Variants in PPP1R16A observed in about 807,000 individuals in gnomAD.
The protein encoded by PPP1R16A is protein phosphatase 1 regulatory subunit 16A.
A neutral mutation model predicts 46.6 loss-of-function variants in PPP1R16A; 39 were observed. That is an observed-to-expected ratio of 0.84 (90% confidence interval 0.65 to 1.09). The LOEUF (loss-of-function observed/expected upper bound fraction) is 1.09. PPP1R16A is among the 50% of genes least tolerant of loss of function. The probability of loss-of-function intolerance (pLI) is 0.00; values close to 1 mark genes in which losing one functional copy is unlikely to be tolerated. For missense variants in PPP1R16A, 798 were observed against 735.6 expected (o/e 1.08, Z -0.98); for synonymous variants, 413 against 321.5 (o/e 1.28, Z -3.04).
rs544972031 is a variant in PPP1R16A at position 144,493,158 on chromosome 8, G to A, written c.-735+2946G>A. Among the ~76,000 whole-genome samples the A allele has an allele frequency of 6.6e-6, 1 of 152,276 alleles. No individual in the cohort carries two copies. The highest frequency in any genetic ancestry group is 2.1e-4 in the South Asian group (1 of 4,824). ...CCCAGCGGTATGTAGGCAGTGAGGG[G>A]ACGGTGGGTGGGGGTCGGGGACAGT... On this transcript the variant is annotated intron_variant, in intron 2 of 11. Coordinates refer to ENST00000435887, the MANE Select transcript of PPP1R16A (RefSeq NM_001329443.2). The surrounding 1 kb of genome is among the most constrained non-coding windows in gnomAD (Gnocchi z 4.3).
intron 5 of PPP1R16A, 172 bp downstream of exon 5, chr8:144,499,233 T>C (rs1291440144): frequency 1.1e-6 from 1 of 892,192 alleles, no homozygotes; most frequent in East Asian, 2.7e-5. Flanking sequence ...TCCAGGGGAA[T>C]GGGCATGTGC....
At chr8:144,481,605 T>C (rs1350350577) in intron 1 of PPP1R16A, among the ~76,000 whole-genome samples, 1 of 151,616 alleles carries the variant, frequency 6.6e-6, no homozygotes, top group Non-Finnish European at 1.5e-5. Context: ...GATCGCACCA[T>C]TGCACTCTAG....
intron 1 of PPP1R16A, among the ~76,000 whole-genome samples, chr8:144,481,780 TC>T (rs1294121167): frequency 6.6e-6 from 1 of 152,218 alleles, no homozygotes; most frequent in African/African-American, 2.4e-5. Context: ...TTTTCTTTTT[TC>T]TTTTTTGTTT....
chr8:144,502,021 CA>C lies in PPP1R16A; in HGVS notation c.*119del. ...AAACCCCGGCTTCTACTGTACAGGA[CA>C]CTGGCCCCTCTCAGGTCAGAAGACA... On this transcript the variant is annotated 3_prime_UTR_variant, in exon 12 of 12. Coordinates refer to ENST00000435887, the MANE Select transcript of PPP1R16A (RefSeq NM_001329443.2). 1 of 1,027,574 alleles carries C rather than the reference CA, an allele frequency of 9.7e-7. No homozygotes were observed. The highest frequency in any genetic ancestry group is 1.7e-5 in the South Asian group (1 of 57,396). The allele number at this position is 1,027,574 out of a possible 1,614,324, so 63.7% of individuals were successfully genotyped here.
chr8:144,481,159 G>A (rs572864001), intron 1 of PPP1R16A, among the ~76,000 whole-genome samples: 94 of 151,722 alleles, frequency 6.2e-4, no homozygotes, highest in African/African-American at 2.3e-3. Context: ...CAAAGTGCTG[G>A]GATTACAGGC....
At chr8:144,497,999 C>T (rs1324563471) in intron 3 of PPP1R16A, 2 of 455,404 alleles carry the variant, frequency 4.4e-6, no homozygotes, top group African/African-American at 2.0e-5. Flanking sequence ...CTTGCAGCCC[C>T]AGCTGTGTGG....
intron 3 of PPP1R16A, chr8:144,497,754 G>A: frequency 1.9e-6 from 1 of 527,938 alleles, no homozygotes. Flanking sequence ...GGAGCCTGCA[G>A]AAAAACCTAG....
rs913446298 is a variant in PPP1R16A at position 144,501,920 on chromosome 8, G to A, written c.*17G>A. The A allele has an allele frequency of 1.4e-5, 21 of 1,502,038 alleles. No individual in the cohort carries two copies. Among genetic ancestry groups the A allele is most frequent in the East Asian group, 7.4e-5 (3 of 40,508 alleles). The allele number at this position is 1,502,038 out of a possible 1,614,324, so 93.0% of individuals were successfully genotyped here. A position where few individuals can be genotyped will look rare whatever the true frequency, so the allele number is the denominator to read the frequency against. On this transcript the variant is annotated 3_prime_UTR_variant, in exon 12 of 12. Transcript: ENST00000435887. ...CTCATGTGAGGCTGTTGCTCAGCATGCAGGGGCCCTGTCGCGGGCACAGCC... is the reference window on the plus strand; with the variant it reads ...CTCATGTGAGGCTGTTGCTCAGCATACAGGGGCCCTGTCGCGGGCACAGCC...
intron 11 of PPP1R16A, 26 bp downstream of exon 11, chr8:144,501,320 C>A: frequency 6.4e-7 from 1 of 1,550,684 alleles, no homozygotes; most frequent in Non-Finnish European, 8.7e-7. Context: ...CTGCTCCGCC[C>A]AGCGCAGGGG....
chr8:144,482,393 T>G (rs1586736616), intron 1 of PPP1R16A, among the ~76,000 whole-genome samples: 1 of 152,166 alleles, frequency 6.6e-6, no homozygotes, highest in East Asian at 1.9e-4. Flanking sequence ...TTTATTTTTA[T>G]TTACTTATTT....
intron 3 of PPP1R16A, chr8:144,497,857 AG>A: frequency 2.7e-6 from 1 of 367,550 alleles, no homozygotes; most frequent in East Asian, 7.1e-5. Flanking sequence ...TCCGTGAAAT[AG>A]GGTGGGACCA....
At position 144,486,652 on chromosome 8, in the gene PPP1R16A, C is replaced by T. The variant is rs541234274; in HGVS notation, c.-913-3382C>T. 4.3e-4 allele frequency among the ~76,000 whole-genome samples: 66 copies of T among 152,304 alleles called. No homozygotes were observed. The South Asian group carries it at 0.014, about 32-fold the overall frequency. Reference sequence around the variant, plus strand: ...CGGACGCATTTGCCATCTGTGTATCCTCTTCAGTGAGGTGTGTCTTTGCAT... The same window carrying T: ...CGGACGCATTTGCCATCTGTGTATCTTCTTCAGTGAGGTGTGTCTTTGCAT... On this transcript the variant is annotated intron_variant, in intron 1 of 11. Transcript: ENST00000435887.
rs1189517038 is a variant in PPP1R16A at position 144,497,103 on chromosome 8, C to T, written c.-92C>T. On this transcript the variant is annotated 5_prime_UTR_variant, in exon 3 of 12. Coordinates refer to ENST00000435887, the MANE Select transcript of PPP1R16A (RefSeq NM_001329443.2). ...AGGGGATGCCCCCGAGGGTGCCAGT[C>T]CAGCTAGCTGCCCCACCCCTCAGGC... The T allele has an allele frequency of 6.7e-7, 1 of 1,500,584 alleles. No homozygotes were observed. The highest frequency in any genetic ancestry group is 2.5e-5 in the East Asian group (1 of 40,540). 93.0% of individuals were successfully genotyped at this position (1,500,584 alleles called of 1,614,324 possible).
rs1374291971 is a variant in PPP1R16A at position 144,497,268 on chromosome 8, A to T, written c.74A>T (p.His25Leu). Residue 25 changes from histidine (H) to leucine (L), a missense_variant, in exon 3 of 12, where the codon CAT (histidine) becomes CTT (leucine). Transcript: ENST00000435887. ...GRMSTQERLK[H>L]AQKRRAQQVK... is the part of the protein sequence containing the mutation. ...ATGAGCACACAGGAGCGGCTGAAGC[A>T]TGCCCAGAAGCGGCGCGCCCAGCAG... The T allele has an allele frequency of 6.2e-7, 1 of 1,610,378 alleles. No individual in the cohort carries two copies. The highest frequency in any genetic ancestry group is 8.5e-7 in the Non-Finnish European group (1 of 1,179,036).
rs148927692 is a variant in PPP1R16A, at chr8:144,500,700, G to C, written c.846G>C (p.Glu282Asp). ...GCCGTCCACAGGTGCCCCTGGTGGA[G>C]CTGCTCGTGGCGCACGGGGCCGACC... ...AAYWGQVPLVELLVAHGADLN... is the reference protein window; with the variant it reads ...AAYWGQVPLVDLLVAHGADLN... The change falls in exon 9 of 12, where the codon GAG (glutamate) becomes GAC (aspartate). Residue 282 changes from glutamate (E) to aspartate (D), a missense_variant. Physicochemically the swap from Glu to Asp is conservative, Grantham distance 45. Coordinates refer to ENST00000435887, the MANE Select transcript of PPP1R16A (RefSeq NM_001329443.2). 14 of 1,611,300 alleles carry C rather than the reference G, an allele frequency of 8.7e-6. No individual in the cohort carries two copies. Among genetic ancestry groups the C allele is most frequent in the Non-Finnish European group, 1.2e-5 (14 of 1,179,624 alleles).
Position 144,502,032 on chromosome 8 carries a change from C to T in PPP1R16A, c.*129C>T, listed in dbSNP as rs923295258. 4 of 936,556 alleles carry T rather than the reference C, an allele frequency of 4.3e-6. No homozygotes were observed. Among genetic ancestry groups the T allele is most frequent in the Admixed American group, 6.0e-5 (2 of 33,168 alleles). The allele number at this position is 936,556 out of a possible 1,614,324, so 58.0% of individuals were successfully genotyped here. On this transcript the variant is annotated 3_prime_UTR_variant, in exon 12 of 12. Coordinates refer to ENST00000435887, the MANE Select transcript of PPP1R16A (RefSeq NM_001329443.2). ...TCTACTGTACAGGACACTGGCCCCT[C>T]TCAGGTCAGAAGACATGCCTGGAGG...
Position 144,496,979 on chromosome 8 carries a change from ACACTGCCCTCCCT to A in PPP1R16A, c.-215_-203del, listed in dbSNP as rs1826100821. ...GGGAGCAGGTTTGGGGTGCCCTCCCACACTGCCCTCCCTGCCCCGGCCCATGCCCCCCAGGGCT... is the reference window on the plus strand; with the variant it reads ...GGGAGCAGGTTTGGGGTGCCCTCCCAGCCCCGGCCCATGCCCCCCAGGGCT... On this transcript the variant is annotated 5_prime_UTR_variant, in exon 3 of 12. Coordinates refer to ENST00000435887, the MANE Select transcript of PPP1R16A (RefSeq NM_001329443.2). 1.6e-6 allele frequency: 1 copy of A among 635,214 alleles called. No individual in the cohort carries two copies. Among genetic ancestry groups the A allele is most frequent in the Non-Finnish European group, 2.7e-6 (1 of 370,196 alleles). The allele number at this position is 635,214 out of a possible 1,614,324, so 39.3% of individuals were successfully genotyped here. A position where few individuals can be genotyped will look rare whatever the true frequency, so the allele number is the denominator to read the frequency against.
rs1465378828 is a variant in PPP1R16A, at chr8:144,497,402, C to T, written c.208C>T (p.Pro70Ser). The change falls in exon 3 of 12, where the codon CCT (proline) becomes TCT (serine). Residue 70 changes from proline to serine, a missense_variant. Transcript: ENST00000435887. Reference sequence around the variant, plus strand: ...AGGGCTCCTGAAGCAGGTCCTCTTCCCTCCCAGTGTTGTCCTTCTGGAGGC... The same window carrying T: ...AGGGCTCCTGAAGCAGGTCCTCTTCTCTCCCAGTGTTGTCCTTCTGGAGGC... Reference protein sequence around the residue: ...SQGLLKQVLFPPSVVLLEAAA... With the variant: ...SQGLLKQVLFSPSVVLLEAAA... 3.1e-6 allele frequency: 5 copies of T among 1,613,070 alleles called. No individual in the cohort carries two copies. Among genetic ancestry groups the T allele is most frequent in the Admixed American group, 1.7e-5 (1 of 60,032 alleles).
chr8:144,497,652 G>A, intron 3 of PPP1R16A, 199 bp downstream of exon 3: 1 of 751,316 alleles, frequency 1.3e-6, no homozygotes, highest in Non-Finnish European at 2.3e-6. Context: ...CAGCCCTGAG[G>A]TGAGCCTGTG....
Sources: gnomAD v4.1 joint callset for allele counts (sites outside exome capture counted in the v4.1 genomes callset) on GRCh38, gnomAD v4.1.1 for gene constraint, Gnocchi (gnomAD v3.1) non-coding constraint, MANE v1.5 for transcripts, NCBI Gene and HGNC (gene_info 2026-07-23, HGNC 2026-07-21) for gene names.